PCDHA4: variants seen among roughly 807,000 people sequenced by gnomAD.
The protein encoded by PCDHA4 is protocadherin alpha-4.
PCDHA4 carries 49 observed loss-of-function variants against 61.4 expected under a neutral mutation model. The observed-to-expected ratio is 0.80, with a 90% confidence interval of 0.63 to 1.01. The LOEUF is 1.01. Ranked by LOEUF, PCDHA4 falls within the 50% of genes least tolerant of loss-of-function variation. PCDHA4 has a pLI of 0.00. For synonymous variants in PCDHA4, 590 were observed against 550.3 expected (o/e 1.07, Z -1.01); for missense variants, 1,254 against 1,235.8 (o/e 1.01, Z -0.22).
intron 1 of PCDHA4, among the ~76,000 whole-genome samples, chr5:140,935,507 G>A (rs2090409706): frequency 6.6e-6 from 1 of 152,138 alleles, no homozygotes. Context: ...CCTTACAAAT[G>A]CCCAGTAGGC....
At chr5:140,851,185 A>G in intron 1 of PCDHA4, 4 of 1,237,652 alleles carry the variant, frequency 3.2e-6, no homozygotes, top group Non-Finnish European at 4.1e-6. Flanking sequence ...TTGAAAACCA[A>G]TTTAGTTGTT....
chr5:140,824,077 C>T, intron 1 of PCDHA4: 1 of 1,614,210 alleles, frequency 6.2e-7, no homozygotes, highest in South Asian at 1.1e-5. Flanking sequence ...CAAAACAGAC[C>T]TCATGGCCTT....
chr5:140,937,089 G>A (rs2091320544), intron 1 of PCDHA4, among the ~76,000 whole-genome samples: 1 of 149,070 alleles, frequency 6.7e-6, no homozygotes, highest in African/African-American at 2.5e-5. Context: ...CCAGGCTGGA[G>A]TGCAGTGGCG....
At chr5:140,829,045 C>T in intron 1 of PCDHA4, 1 of 1,612,830 alleles carries the variant, frequency 6.2e-7, no homozygotes, top group South Asian at 1.1e-5. Flanking sequence ...TATACAAAAT[C>T]CTCATTGACG....
chr5:140,902,676 C>T (rs781793838), intron 1 of PCDHA4, among the ~76,000 whole-genome samples: 7 of 152,040 alleles, frequency 4.6e-5, no homozygotes, highest in Non-Finnish European at 7.4e-5. Context: ...CAGTGTACAC[C>T]GTACCTAATA....
At chr5:140,850,617 T>A in intron 1 of PCDHA4, 3 of 1,598,492 alleles carry the variant, frequency 1.9e-6, no homozygotes, top group African/African-American at 2.7e-5. Context: ...CTGCGCGGTG[T>A]CTAGCCTGTT....
In PCDHA4 at chr5:140,904,903, A is replaced by G. The variant is rs568713418; in HGVS notation, c.2386-74046A>G. On this transcript the variant is annotated intron_variant, in intron 1 of 3. Transcript: ENST00000530339. ...CTTTTTGATGGGATTTGTTTTTCTT[A>G]CTGATTTGTTTGACTTCCTTGTAGG... 9.4e-4 allele frequency among the ~76,000 whole-genome samples: 142 copies of G among 151,862 alleles called. 2 individuals carry two copies. The highest frequency in any genetic ancestry group is 2.9e-3 in the African/African-American group (122 of 41,438).
At chr5:140,944,439 G>A (rs1022400391) in intron 1 of PCDHA4, among the ~76,000 whole-genome samples, 7 of 152,022 alleles carry the variant, frequency 4.6e-5, no homozygotes, top group African/African-American at 1.2e-4. Context: ...TGCCTGCCTC[G>A]GCCTCCCAAA....
intron 1 of PCDHA4, chr5:140,842,523 T>C (rs2150338056): frequency 6.2e-7 from 1 of 1,613,420 alleles, no homozygotes; most frequent in South Asian, 1.1e-5. Flanking sequence ...GTGTCCACCT[T>C]CAAGAATTAC....
Position 140,808,896 on chromosome 5 carries a change from C to A in PCDHA4, c.1709C>A (p.Ala570Glu). The A allele has an allele frequency of 1.2e-6, 2 of 1,613,416 alleles. No homozygotes were observed. The highest frequency in any genetic ancestry group is 8.5e-7 in the Non-Finnish European group (1 of 1,179,858). Residue 570 changes from alanine to glutamate, a missense_variant, in exon 1 of 4, where the codon GCG becomes GAG. Ala to Glu is a moderately radical substitution (Grantham distance 107, BLOSUM62 -1). Coordinates refer to ENST00000530339, the MANE Select transcript of PCDHA4 (RefSeq NM_018907.4). ...DNAPALLAPRAGGTGGAVSEL... is the reference protein window; with the variant it reads ...DNAPALLAPREGGTGGAVSEL... The stretch of plus-strand genomic sequence containing the variant: ...GCGCCAGCACTGCTAGCGCCTCGGG[C>A]GGGTGGCACTGGTGGCGCAGTGAGC...
chr5:140,887,004 C>T (rs1341039143), intron 1 of PCDHA4, among the ~76,000 whole-genome samples: 1 of 152,066 alleles, frequency 6.6e-6, no homozygotes, highest in African/African-American at 2.4e-5. Flanking sequence ...GTTGGTATCA[C>T]TTTCCTACTG....
intron 3 of PCDHA4, among the ~76,000 whole-genome samples, chr5:141,003,751 T>G (rs3822342): frequency 0.05 from 7,683 of 152,316 alleles, 243 homozygotes; most frequent in South Asian, 0.11. Flanking sequence ...ATATTTTGTA[T>G]AATTATGGTC....
intron 3 of PCDHA4, among the ~76,000 whole-genome samples, chr5:140,984,963 A>T (rs1390500469): frequency 1.3e-5 from 2 of 151,890 alleles, no homozygotes; most frequent in Non-Finnish European, 2.9e-5. Context: ...TTTGAGACAG[A>T]GTCTCGCTCT....
intron 1 of PCDHA4, chr5:140,869,704 G>A (rs1271953937): frequency 2.5e-6 from 4 of 1,613,400 alleles, no homozygotes; most frequent in Admixed American, 3.3e-5. Flanking sequence ...GAAGTCTCTG[G>A]ATAGAGAGAA....
chr5:140,903,525 C>T (rs1322141732), intron 1 of PCDHA4, among the ~76,000 whole-genome samples: 1 of 152,164 alleles, frequency 6.6e-6, no homozygotes, highest in African/African-American at 2.4e-5. Context: ...GTGTTGTTCA[C>T]TTTAAACTAG....
At chr5:140,871,833 T>G (rs2053334975) in intron 1 of PCDHA4, among the ~76,000 whole-genome samples, 1 of 152,282 alleles carries the variant, frequency 6.6e-6, no homozygotes, top group African/African-American at 2.4e-5. Flanking sequence ...CCTTCATCTC[T>G]AAACTTCAAT....
intron 1 of PCDHA4, chr5:140,967,750 C>A (rs782284231): frequency 1.4e-5 from 22 of 1,614,072 alleles, no homozygotes; most frequent in Non-Finnish European, 1.7e-6. Flanking sequence ...ATGAGGAAGC[C>A]TCCTCCTACC....
intron 3 of PCDHA4, among the ~76,000 whole-genome samples, chr5:140,999,483 T>G (rs1316785085): frequency 3.3e-5 from 5 of 152,152 alleles, no homozygotes; most frequent in Admixed American, 2.6e-4. Flanking sequence ...CCAACTCAAG[T>G]CTATGTTACC....
intron 1 of PCDHA4, chr5:140,824,277 CT>C: frequency 8.7e-7 from 1 of 1,143,248 alleles, no homozygotes; most frequent in Non-Finnish European, 1.3e-6. Flanking sequence ...GTATTATATG[CT>C]TTTTATGAGG....
Sources: gnomAD v4.1 joint callset for allele counts (sites outside exome capture counted in the v4.1 genomes callset) on GRCh38, gnomAD v4.1.1 for gene constraint, MANE v1.5 for transcripts, NCBI Gene and HGNC (gene_info 2026-07-23, HGNC 2026-07-21) for gene names.